Variants in CSGALNACT1 observed in about 807,000 individuals in gnomAD.
CSGALNACT1 encodes the protein chondroitin sulfate N-acetylgalactosaminyltransferase 1.
Under a neutral mutation model 51.0 loss-of-function variants are expected in CSGALNACT1, and 52 were observed. That is an observed-to-expected ratio of 1.02 (90% CI 0.82 to 1.29). The LOEUF is 1.29. CSGALNACT1 is among the 50% of genes most tolerant of loss of function. The pLI, the probability that CSGALNACT1 is intolerant of heterozygous loss-of-function variation, is 0.00. For missense variants in CSGALNACT1, 935 were observed against 679.2 expected, an observed-to-expected ratio of 1.38 and a Z score of -4.19; for synonymous variants, 341 against 254.4, an observed-to-expected ratio of 1.34 and a Z score of -3.24.
At chr8:19,534,386 G>C (rs1353650457) in intron 3 of CSGALNACT1, among the ~76,000 whole-genome samples, 20 of 152,130 alleles carry the variant, frequency 1.3e-4, no homozygotes, top group Admixed American at 1.3e-3. Flanking sequence ...AGGAGGCAGA[G>C]GCTGCAGTGA....
intron 3 of CSGALNACT1, among the ~76,000 whole-genome samples, chr8:19,507,024 A>T (rs935425147): frequency 2.0e-5 from 3 of 152,204 alleles, no homozygotes; most frequent in Non-Finnish European, 4.4e-5. Context: ...CTGAAAGAGG[A>T]TCGACATGGT....
At chr8:19,423,109 C>G (rs1424819391) in intron 6 of CSGALNACT1, among the ~76,000 whole-genome samples, 3 of 152,146 alleles carry the variant, frequency 2.0e-5, no homozygotes, top group African/African-American at 7.2e-5. Context: ...CTAGGATCTA[C>G]TACAGGAGAG....
At chr8:19,617,971 C>T (rs934136909) in intron 1 of CSGALNACT1, among the ~76,000 whole-genome samples, 5 of 152,040 alleles carry the variant, frequency 3.3e-5, no homozygotes, top group African/African-American at 1.2e-4. Context: ...CCTCAAACTC[C>T]TGGGCTCAAG....
At chr8:19,543,797 C>A (rs1279034774) in intron 3 of CSGALNACT1, among the ~76,000 whole-genome samples, 3 of 152,186 alleles carry the variant, frequency 2.0e-5, no homozygotes, top group Non-Finnish European at 4.4e-5. Context: ...ACTGTAAGTG[C>A]AACTAAATGC....
upstream of CSGALNACT1, among the ~76,000 whole-genome samples, chr8:19,603,965 T>C (rs919376153): frequency 6.6e-6 from 1 of 152,220 alleles, no homozygotes; most frequent in Non-Finnish European, 1.5e-5. Flanking sequence ...CATCGAGCCC[T>C]GGAGTGTGTG....
At chr8:19,519,854 G>T (rs768704483) in intron 3 of CSGALNACT1, among the ~76,000 whole-genome samples, 1 of 152,170 alleles carries the variant, frequency 6.6e-6, no homozygotes, top group African/African-American at 2.4e-5. Context: ...GGAGAAGCCT[G>T]GTCTGCCACA....
chr8:19,478,213 G>C (rs2070307237), intron 4 of CSGALNACT1, among the ~76,000 whole-genome samples: 1 of 152,038 alleles, frequency 6.6e-6, no homozygotes, highest in Non-Finnish European at 1.5e-5. Flanking sequence ...AGGAGATCGA[G>C]ACCATCCTGG....
chr8:19,505,682 G>T, exon 4 of CSGALNACT1: 1 of 1,614,152 alleles, frequency 6.2e-7, no homozygotes, highest in South Asian at 1.1e-5. Context: ...CCTTCCCCGT[G>T]GGGCTGTTGG....
chr8:19,564,237 G>A (rs191773473), intron 3 of CSGALNACT1, among the ~76,000 whole-genome samples: 7 of 152,092 alleles, frequency 4.6e-5, no homozygotes, highest in East Asian at 3.9e-4. Context: ...CAAAATCTAC[G>A]TTTTCTACTT....
chr8:19,734,583 A>T (rs1047219104), intron 1 of CSGALNACT1, among the ~76,000 whole-genome samples: 1 of 152,124 alleles, frequency 6.6e-6, no homozygotes, highest in East Asian at 1.9e-4. Context: ...AACTCCACTA[A>T]ATTTAACTTG....
intron 1 of CSGALNACT1, among the ~76,000 whole-genome samples, chr8:19,737,599 A>T (rs1432877959): frequency 6.6e-6 from 1 of 152,070 alleles, no homozygotes; most frequent in East Asian, 1.9e-4. Flanking sequence ...AAATTGGAAA[A>T]AGAAAAAAAA....
chr8:19,453,549 C>G (rs1191846131), intron 5 of CSGALNACT1, among the ~76,000 whole-genome samples: 1 of 152,094 alleles, frequency 6.6e-6, no homozygotes, highest in Non-Finnish European at 1.5e-5. Context: ...AATAAAGCAT[C>G]CAAAAATTTC....
At chr8:19,663,378 T>G (rs763897905) in intron 1 of CSGALNACT1, among the ~76,000 whole-genome samples, 14 of 152,206 alleles carry the variant, frequency 9.2e-5, no homozygotes, top group Non-Finnish European at 8.8e-5. Context: ...CGCCAAAATC[T>G]AAAAATAAAA....
intron 3 of CSGALNACT1, among the ~76,000 whole-genome samples, chr8:19,531,417 C>T (rs942805264): frequency 6.6e-6 from 1 of 152,176 alleles, no homozygotes; most frequent in Non-Finnish European, 1.5e-5. Context: ...GGCAGAACAC[C>T]CAGCTCAGTC....
At chr8:19,599,547 G>T (rs531164187) in intron 2 of CSGALNACT1, among the ~76,000 whole-genome samples, 2 of 142,042 alleles carry the variant, frequency 1.4e-5, no homozygotes, top group South Asian at 4.7e-4. Flanking sequence ...AAGAAGGAAA[G>T]AAAGAAGGAA....
intron 1 of CSGALNACT1, among the ~76,000 whole-genome samples, chr8:19,623,438 C>G (rs1037193710): frequency 9.2e-5 from 14 of 152,182 alleles, no homozygotes; most frequent in African/African-American, 3.1e-4. Flanking sequence ...TTTGAGAAGT[C>G]AATCTCATAA....
chr8:19,694,061 T>C (rs1485859494), intron 1 of CSGALNACT1, among the ~76,000 whole-genome samples: 1 of 152,308 alleles, frequency 6.6e-6, no homozygotes, highest in East Asian at 1.9e-4. Context: ...GAATACTATA[T>C]ACATAATACT....
intron 4 of CSGALNACT1, among the ~76,000 whole-genome samples, chr8:19,504,178 G>C (rs1354711442): frequency 6.6e-6 from 1 of 152,104 alleles, no homozygotes; most frequent in Non-Finnish European, 1.5e-5. Flanking sequence ...CTGGGTTCAC[G>C]CCATTCTCCT....
chr8:19,626,097 A>G (rs1389901636), intron 1 of CSGALNACT1, among the ~76,000 whole-genome samples: 1 of 152,244 alleles, frequency 6.6e-6, no homozygotes, highest in Non-Finnish European at 1.5e-5. Context: ...GAAAGGAAAC[A>G]GAACTAAAAA....
Sources: allele counts gnomAD v4.1 joint callset (sites outside exome capture counted in the v4.1 genomes callset), GRCh38; gene constraint gnomAD v4.1.1; transcripts MANE v1.5; gene names NCBI Gene and HGNC (gene_info 2026-07-23, HGNC 2026-07-21).